Variants in SLC35D2 observed in about 807,000 individuals in gnomAD.
SLC35D2 encodes the protein solute carrier family 35 member D2, also known as nucleotide sugar transporter SLC35D2.
In SLC35D2, 43 loss-of-function variants were observed where a neutral mutation model predicts 41.8. The observed-to-expected ratio is 1.03, with a 90% confidence interval of 0.81 to 1.33. SLC35D2 has a LOEUF of 1.33. Ranked by LOEUF, SLC35D2 falls within the 40% of genes most tolerant of loss-of-function variation. The pLI is 0.00. For missense variants in SLC35D2, 380 were observed against 408.4 expected (o/e 0.93, Z 0.60); for synonymous variants, 150 against 163.9 (o/e 0.92, Z 0.65).
At chr9:96,362,601 T>C (rs1830320370) in intron 3 of SLC35D2, among the ~76,000 whole-genome samples, 1 of 152,008 alleles carries the variant, frequency 6.6e-6, no homozygotes, top group African/African-American at 2.4e-5. Context: ...GTTAGGATAG[T>C]GGGTAAGGAA....
chr9:96,353,507 A>G (rs1829899158), intron 4 of SLC35D2, among the ~76,000 whole-genome samples: 1 of 152,020 alleles, frequency 6.6e-6, no homozygotes, highest in Admixed American at 6.6e-5. Flanking sequence ...TACCACGCCC[A>G]GCTAATTTTT....
chr9:96,360,034 A>G (rs1278667716), intron 4 of SLC35D2, 120 bp downstream of exon 4: 2 of 584,178 alleles, frequency 3.4e-6, no homozygotes, highest in African/African-American at 3.7e-5. Flanking sequence ...AAACTACTAA[A>G]TATTATTGTC....
chr9:96,330,464 G>C (rs74481886), intron 9 of SLC35D2, among the ~76,000 whole-genome samples: 80 of 152,226 alleles, frequency 5.3e-4, no homozygotes, highest in Non-Finnish European at 7.2e-4. Context: ...TTAAGTTTCC[G>C]AATGAAGACA....
chr9:96,382,100 G>A (rs932740529), intron 1 of SLC35D2, among the ~76,000 whole-genome samples: 3 of 152,164 alleles, frequency 2.0e-5, no homozygotes, highest in Non-Finnish European at 4.4e-5. Flanking sequence ...AATGGGCTCA[G>A]TATTTAGTAG....
downstream of SLC35D2, among the ~76,000 whole-genome samples, chr9:96,315,741 AT>A (rs545051160): frequency 3.3e-5 from 5 of 151,790 alleles, no homozygotes; most frequent in Non-Finnish European, 7.4e-5. Flanking sequence ...CTAGATCCTT[AT>A]TTTTCTTTTA....
chr9:96,368,274 G>C lies in SLC35D2; in HGVS notation c.190C>G (p.Gln64Glu). The change falls in exon 2 of 12, where the codon CAG (glutamine) becomes GAG (glutamate). Residue 64 changes from glutamine (Q) to glutamate (E), a missense_variant and splice_region_variant. Physicochemically the swap from Gln to Glu is conservative, Grantham distance 29. Coordinates refer to ENST00000253270, the MANE Select transcript of SLC35D2 (RefSeq NM_007001.3). ...FPSPIFLGIG[Q>E]MAATIMILYV... is the part of the protein sequence containing the mutation. Reference sequence around the variant, plus strand: ...TAATTCTATTTTTTTTCACTCACCTGTCCAATTCCAAGGAAAATTGGTGAC... The same window carrying C: ...TAATTCTATTTTTTTTCACTCACCTCTCCAATTCCAAGGAAAATTGGTGAC... 1 of 1,603,624 alleles carries C rather than the reference G, an allele frequency of 6.2e-7. No homozygotes were observed. The highest frequency in any genetic ancestry group is 8.5e-7 in the Non-Finnish European group (1 of 1,173,184).
chr9:96,339,180 A>G (rs10990624), intron 8 of SLC35D2, among the ~76,000 whole-genome samples: 82,896 of 151,864 alleles, frequency 0.55, 24,953 homozygotes, highest in African/African-American at 0.82. Context: ...GCACGATCTC[A>G]GCTCACTGCA....
exon 12 of SLC35D2, chr9:96,314,701 T>C (rs1828010222): frequency 6.6e-6 from 1 of 152,458 alleles, no homozygotes; most frequent in Admixed American, 6.5e-5. Context: ...TTTACCTATG[T>C]AACAAACCTG....
intron 1 of SLC35D2, among the ~76,000 whole-genome samples, chr9:96,380,764 C>T (rs1220981698): frequency 7.2e-5 from 11 of 152,006 alleles, no homozygotes; most frequent in Admixed American, 4.6e-4. Flanking sequence ...TGAGCCACCG[C>T]GCCCGGCCTT....
intron 1 of SLC35D2, among the ~76,000 whole-genome samples, chr9:96,378,318 A>C (rs1831042818): frequency 6.6e-6 from 1 of 151,832 alleles, no homozygotes; most frequent in African/African-American, 2.4e-5. Flanking sequence ...CTGCAGTCCC[A>C]GCTACTCAGG....
chr9:96,365,340 C>T (rs548851588), intron 2 of SLC35D2, among the ~76,000 whole-genome samples: 39 of 149,338 alleles, frequency 2.6e-4, no homozygotes, highest in Non-Finnish European at 4.4e-4. Flanking sequence ...GCTTGGGAGA[C>T]AGAGCAAGAC....
At chr9:96,337,047 G>A in intron 8 of SLC35D2, among the ~76,000 whole-genome samples, 1 of 152,144 alleles carries the variant, frequency 6.6e-6, no homozygotes, top group East Asian at 1.9e-4. Flanking sequence ...GAAAGAAATT[G>A]TTTAGGACTG....
chr9:96,324,256 A>T, intron 9 of SLC35D2, 87 bp from the exon 10 acceptor site: 1 of 981,290 alleles, frequency 1.0e-6, no homozygotes, highest in Non-Finnish European at 1.6e-6. Context: ...ACCCCCACAC[A>T]AGCACTTTAA....
intron 4 of SLC35D2, among the ~76,000 whole-genome samples, chr9:96,359,599 A>C (rs1382633418): frequency 6.6e-6 from 1 of 151,960 alleles, no homozygotes; most frequent in Non-Finnish European, 1.5e-5. Flanking sequence ...CTGAGGCAGG[A>C]GAATCGCTTG....
chr9:96,331,758 G>A (rs1212178063), intron 9 of SLC35D2, among the ~76,000 whole-genome samples: 1 of 152,218 alleles, frequency 6.6e-6, no homozygotes, highest in Non-Finnish European at 1.5e-5. Context: ...AGGAACCCAG[G>A]TGCACAGCAA....
chr9:96,358,230 T>C (rs1429692244), intron 4 of SLC35D2, among the ~76,000 whole-genome samples: 7 of 151,518 alleles, frequency 4.6e-5, no homozygotes, highest in Non-Finnish European at 7.4e-5. Flanking sequence ...AAAAATATTG[T>C]ACAATTCTAC....
chr9:96,322,267 C>T (rs887932009), intron 10 of SLC35D2, among the ~76,000 whole-genome samples, 187 bp from the exon 11 acceptor site: 1 of 152,164 alleles, frequency 6.6e-6, no homozygotes, highest in Non-Finnish European at 1.5e-5. Context: ...GCCTGTAATC[C>T]CAATACTTTA....
downstream of SLC35D2, among the ~76,000 whole-genome samples, chr9:96,316,502 A>AG (rs1247577840): frequency 9.1e-3 from 1,371 of 149,942 alleles, 24 homozygotes; most frequent in African/African-American, 0.031. Context: ...CAAAAAAAAA[A>AG]GGGGGGGAAG....
At chr9:96,315,337 T>G (rs7035581) in intron 11 of SLC35D2, among the ~76,000 whole-genome samples, 77,062 of 147,936 alleles carry the variant, frequency 0.52, 19,754 homozygotes, top group African/African-American at 0.59. Flanking sequence ...GCCCAGGCTG[T>G]TCTCAAACTC....
Sources: allele counts gnomAD v4.1 joint callset (sites outside exome capture counted in the v4.1 genomes callset), GRCh38; gene constraint gnomAD v4.1.1; transcripts MANE v1.5; gene names NCBI Gene and HGNC (gene_info 2026-07-23, HGNC 2026-07-21).